The following DDHD2 variants were observed in gnomAD, a reference collection of about 807,000 sequenced individuals.
DDHD2 encodes the protein triacylglycerol hydrolase DDHD2.
DDHD2 carries 62 observed loss-of-function variants against 91.2 expected under a neutral mutation model. That is an observed-to-expected ratio of 0.68 (90% CI 0.55 to 0.84). The LOEUF (loss-of-function observed/expected upper bound fraction) is 0.84, where lower values mean the gene tolerates loss of function less well. DDHD2 is among the 40% of genes least tolerant of loss of function. The probability of loss-of-function intolerance (pLI) is 0.00; values close to 1 mark genes in which losing one functional copy is unlikely to be tolerated. For synonymous variants in DDHD2, 271 were observed against 293.9 expected, an observed-to-expected ratio of 0.92 and a Z score of 0.80; for missense variants, 740 against 846.9, an observed-to-expected ratio of 0.87 and a Z score of 1.57.
intron 6 of DDHD2, among the ~76,000 whole-genome samples, chr8:38,241,551 G>C (rs1054770787): frequency 6.6e-6 from 1 of 151,936 alleles, no homozygotes; most frequent in South Asian, 2.1e-4. Flanking sequence ...CTCCTGAGTA[G>C]CTGGGATTAC....
Position 38,245,837 on chromosome 8 carries a change from A to C in DDHD2, c.944A>C (p.Tyr315Ser). 1 of 1,614,024 alleles carries C rather than the reference A, an allele frequency of 6.2e-7. No homozygotes were observed. The highest frequency in any genetic ancestry group is 8.5e-7 in the Non-Finnish European group (1 of 1,179,858). The change falls in exon 8 of 18, where the codon TAC becomes TCC. Residue 315 changes from tyrosine (Y) to serine (S), a missense_variant. By Grantham distance (144) the Tyr-to-Ser change is moderately radical (BLOSUM62 -2). This residue lies in a region of DDHD2 where 693 missense variants were observed against 764.2 expected (regional missense o/e 0.91). Coordinates refer to ENST00000397166, the MANE Select transcript of DDHD2 (RefSeq NM_015214.3). ...GTCTTCTTCTACAATAGTCCCACCTACTGTCAGACTATTGTGGACACAGTT... is the reference window on the plus strand; with the variant it reads ...GTCTTCTTCTACAATAGTCCCACCTCCTGTCAGACTATTGTGGACACAGTT... Reference protein sequence around the residue: ...LDVFFYNSPTYCQTIVDTVAS... With the variant: ...LDVFFYNSPTSCQTIVDTVAS...
chr8:38,259,378 G>A (rs1242929593), intron 16 of DDHD2, among the ~76,000 whole-genome samples: 2 of 150,046 alleles, frequency 1.3e-5, no homozygotes, highest in East Asian at 1.9e-4. Flanking sequence ...ATGCTGCCAC[G>A]CCTGGCTAGT....
chr8:38,240,202 C>T, intron 5 of DDHD2, 73 bp from the exon 6 acceptor site: 1 of 847,380 alleles, frequency 1.2e-6, no homozygotes, highest in Non-Finnish European at 1.8e-6. Flanking sequence ...TATTTATAAC[C>T]TTTTCATGAT....
At position 38,252,748 on chromosome 8, in the gene DDHD2, A is replaced by G. The variant is rs1456106124; in HGVS notation, c.1644A>G (p.Glu548=). ...TTGATCCTGTGGCCTATAGGATTGA[A>G]CCAATGGTGGTCCCAGGAGTGGAAT... The part of the protein sequence containing the change: ...HPFDPVAYRI[E]PMVVPGVEFE... Residue 548 remains glutamate, a synonymous_variant, in exon 14 of 18, where the codon GAA becomes GAG. Transcript: ENST00000397166. The G allele has an allele frequency of 6.2e-7, 1 of 1,613,978 alleles. No individual in the cohort carries two copies. Among genetic ancestry groups the G allele is most frequent in the Admixed American group, 1.7e-5 (1 of 60,000 alleles).
intron 16 of DDHD2, among the ~76,000 whole-genome samples, chr8:38,257,847 A>G (rs912632111): frequency 6.6e-6 from 1 of 151,424 alleles, no homozygotes; most frequent in African/African-American, 2.4e-5. Flanking sequence ...TCTTTTTAGT[A>G]GAGACAGGGT....
intron 1 of DDHD2, chr8:38,232,223 C>T (rs1804320979): frequency 6.5e-6 from 1 of 153,150 alleles, no homozygotes; most frequent in South Asian, 2.1e-4. Context: ...GAGATGCCCT[C>T]CTGCCCCCCG....
At chr8:38,232,898 C>A in intron 1 of DDHD2, 89 bp from the exon 2 acceptor site, 2 of 785,768 alleles carry the variant, frequency 2.5e-6, no homozygotes, top group Non-Finnish European at 4.1e-6. Flanking sequence ...GCAGAAATGG[C>A]TCCGTAAAAT....
chr8:38,260,988 A>G lies in DDHD2; in HGVS notation c.*415A>G, dbSNP rs1209731321. ...ATCTTTAGAAAATGTTCTAGTTTGG[A>G]AACAGATTCTTGAGATTCAGAAGGC... is the stretch of plus-strand genomic sequence containing the variant. On this transcript the variant is annotated 3_prime_UTR_variant, in exon 18 of 18. Coordinates refer to ENST00000397166, the MANE Select transcript of DDHD2 (RefSeq NM_015214.3). The G allele has an allele frequency of 6.6e-6, 1 of 152,168 alleles. No individual in the cohort carries two copies. Among genetic ancestry groups the G allele is most frequent in the Non-Finnish European group, 1.5e-5 (1 of 68,036 alleles). 9.4% of individuals were successfully genotyped at this position (152,168 alleles called of 1,614,324 possible).
intron 16 of DDHD2, chr8:38,255,211 AAAG>A (rs1806419502): frequency 3.6e-6 from 1 of 280,266 alleles, no homozygotes; most frequent in South Asian, 3.0e-5. Context: ...AAAAAAAAAA[AAAG>A]CAAGCTCAAA....
intron 16 of DDHD2, among the ~76,000 whole-genome samples, chr8:38,259,262 T>C (rs927299903): frequency 4.0e-5 from 6 of 151,838 alleles, no homozygotes; most frequent in Non-Finnish European, 1.5e-5. Context: ...TCGCCCAGGC[T>C]GAAGTGCAGT....
At chr8:38,238,034 A>G in intron 4 of DDHD2, 55 bp from the exon 5 acceptor site, 1 of 1,513,944 alleles carries the variant, frequency 6.6e-7, no homozygotes, top group South Asian at 1.3e-5. Flanking sequence ...ACTGCATTGT[A>G]TAGAGATGAT....
At chr8:38,264,672 A>G (rs995124493), downstream of DDHD2, 2 of 1,471,536 alleles carry the variant, frequency 1.4e-6, no homozygotes, top group Non-Finnish European at 1.8e-6. Context: ...TACACATAGC[A>G]TAGAGGACCT....
rs1438763646 is a variant in DDHD2, at chr8:38,261,026, A to T, written c.*453A>T. ...AGATTCAGAAGGCATTTTGGAGTACACTTATCTCTTGTTTGTGTTGAACTG... is the reference window on the plus strand; with the variant it reads ...AGATTCAGAAGGCATTTTGGAGTACTCTTATCTCTTGTTTGTGTTGAACTG... On this transcript the variant is annotated 3_prime_UTR_variant, in exon 18 of 18. Coordinates refer to ENST00000397166, the MANE Select transcript of DDHD2 (RefSeq NM_015214.3). The T allele has an allele frequency of 6.6e-6, 1 of 152,002 alleles. No homozygotes were observed. Among genetic ancestry groups the T allele is most frequent in the Non-Finnish European group, 1.5e-5 (1 of 67,934 alleles). The allele number at this position is 152,002 out of a possible 1,614,324, so 9.4% of individuals were successfully genotyped here.
chr8:38,264,669 A>G, downstream of DDHD2: 1 of 1,475,414 alleles, frequency 6.8e-7, no homozygotes, highest in Non-Finnish European at 9.0e-7. Context: ...ACATACACAT[A>G]GCATAGAGGA....
intron 1 of DDHD2, chr8:38,268,651 G>C: frequency 7.0e-7 from 1 of 1,436,120 alleles, no homozygotes. Context: ...CGGTACCTCA[G>C]GCTGAGGCAC....
intron 1 of DDHD2, chr8:38,270,208 T>C (rs988817855): frequency 6.6e-6 from 1 of 152,212 alleles, no homozygotes; most frequent in Non-Finnish European, 1.5e-5. Context: ...ATTGATGCTT[T>C]GTTATTAAAG....
At chr8:38,268,143 A>G in intron 1 of DDHD2, 1 of 1,384,852 alleles carries the variant, frequency 7.2e-7, no homozygotes, top group South Asian at 1.5e-5. Flanking sequence ...ACTAGGCCAA[A>G]GACATTTCTG....
downstream of DDHD2, chr8:38,266,152 T>TG: frequency 6.2e-7 from 1 of 1,614,072 alleles, no homozygotes; most frequent in South Asian, 1.1e-5. Context: ...TTGCCAGTGA[T>TG]GCTTGTAGTC....
intron 3 of DDHD2, 67 bp downstream of exon 3, chr8:38,234,651 G>A: frequency 7.4e-7 from 1 of 1,344,304 alleles, no homozygotes; most frequent in Non-Finnish European, 1.0e-6. Flanking sequence ...TCTTTCCTTT[G>A]TAATTTATTT....
Sources: allele counts gnomAD v4.1 joint callset (sites outside exome capture counted in the v4.1 genomes callset), GRCh38; gene constraint gnomAD v4.1.1; regional missense constraint gnomAD v4.1.1; transcripts MANE v1.5; gene names NCBI Gene and HGNC (gene_info 2026-07-23, HGNC 2026-07-21).